PSTPIP2: variants seen among roughly 807,000 people sequenced by gnomAD.
The protein encoded by PSTPIP2 is proline-serine-threonine phosphatase interacting protein 2, also known as proline-serine-threonine phosphatase-interacting protein 2.
A neutral mutation model predicts 63.3 loss-of-function variants in PSTPIP2; 33 were observed. The ratio of observed to expected loss-of-function variants is 0.52; its 90% CI spans 0.40 to 0.70. The LOEUF (loss-of-function observed/expected upper bound fraction) is 0.70. Ranked by LOEUF, PSTPIP2 falls within the 30% of genes least tolerant of loss-of-function variation. The pLI, the probability that PSTPIP2 is intolerant of heterozygous loss-of-function variation, is 0.00. For missense variants in PSTPIP2, 312 were observed against 400.7 expected (o/e 0.78, Z 1.89); for synonymous variants, 125 against 132.7 (o/e 0.94, Z 0.40).
chr18:46,046,331 C>T (rs948828467), intron 1 of PSTPIP2, among the ~76,000 whole-genome samples: 3 of 152,198 alleles, frequency 2.0e-5, no homozygotes, highest in African/African-American at 7.2e-5. Flanking sequence ...TTACGGGTCC[C>T]GCTGCTGAGC....
intron 1 of PSTPIP2, among the ~76,000 whole-genome samples, chr18:46,050,199 G>A (rs1182842444): frequency 6.6e-6 from 1 of 152,168 alleles, no homozygotes; most frequent in Non-Finnish European, 1.5e-5. Context: ...CTTTGACGAT[G>A]AGGAGTTTAT....
At chr18:45,990,982 G>C (rs562294788) in intron 12 of PSTPIP2, among the ~76,000 whole-genome samples, 2 of 152,086 alleles carry the variant, frequency 1.3e-5, no homozygotes, top group African/African-American at 4.8e-5. Context: ...TAGGAGCACA[G>C]AGCCTTATCC....
chr18:46,070,180 G>A (rs945395358), intron 1 of PSTPIP2, among the ~76,000 whole-genome samples: 1 of 152,150 alleles, frequency 6.6e-6, no homozygotes, highest in Non-Finnish European at 1.5e-5. Flanking sequence ...CATGCTGTTC[G>A]GTAAGCTCTC....
intron 1 of PSTPIP2, among the ~76,000 whole-genome samples, chr18:46,061,842 G>A (rs1417721632): frequency 6.6e-6 from 1 of 152,188 alleles, no homozygotes; most frequent in Middle Eastern, 3.2e-3. Flanking sequence ...GATAATAAGG[G>A]CTCAGAGCAG....
At chr18:45,998,449 C>T (rs1418193810) in intron 8 of PSTPIP2, among the ~76,000 whole-genome samples, 2 of 152,158 alleles carry the variant, frequency 1.3e-5, no homozygotes, top group Non-Finnish European at 2.9e-5. Flanking sequence ...AGAGGAAGCA[C>T]CTGATTGCAA....
At chr18:46,047,419 A>C (rs988890592) in intron 1 of PSTPIP2, among the ~76,000 whole-genome samples, 3 of 152,162 alleles carry the variant, frequency 2.0e-5, no homozygotes, top group African/African-American at 7.2e-5. Flanking sequence ...CTACAAATGC[A>C]AAAATTAGCC....
At chr18:46,071,704 C>G (rs910547506) in intron 1 of PSTPIP2, among the ~76,000 whole-genome samples, 1 of 152,246 alleles carries the variant, frequency 6.6e-6, no homozygotes, top group African/African-American at 2.4e-5. Context: ...ACACCAGATC[C>G]CCCCAGATCC....
At chr18:45,994,314 A>G (rs534354485) in intron 9 of PSTPIP2, among the ~76,000 whole-genome samples, 115 of 152,344 alleles carry the variant, frequency 7.5e-4, no homozygotes, top group African/African-American at 2.6e-3. Flanking sequence ...ACATCAGTGT[A>G]TTTTTAAAAT....
intron 1 of PSTPIP2, among the ~76,000 whole-genome samples, chr18:46,062,447 C>T (rs1331606089): frequency 6.6e-6 from 1 of 151,442 alleles, no homozygotes; most frequent in Non-Finnish European, 1.5e-5. Context: ...TCAAGACCAG[C>T]CTGGCCAACA....
At chr18:46,045,063 ACTGTAAACTAGTTCAACC>A (rs1288203495) in intron 1 of PSTPIP2, among the ~76,000 whole-genome samples, 2 of 152,240 alleles carry the variant, frequency 1.3e-5, no homozygotes, top group Non-Finnish European at 2.9e-5. Flanking sequence ...TGTTGGTGGG[ACTGTAAACTAGTTCAACC>A]CTTGTGGAAG....
At chr18:46,028,440 G>C in intron 2 of PSTPIP2, 1 of 567,282 alleles carries the variant, frequency 1.8e-6, no homozygotes, top group Non-Finnish European at 3.4e-6. Flanking sequence ...GGAACCGCCC[G>C]ACGCTGGAGA....
At chr18:46,005,402 C>A in intron 6 of PSTPIP2, 67 bp downstream of exon 6, 1 of 1,288,748 alleles carries the variant, frequency 7.8e-7, no homozygotes, top group South Asian at 1.3e-5. Context: ...GGAATATGTT[C>A]ATACACAGCA....
At chr18:45,994,665 T>C (rs934438963) in intron 9 of PSTPIP2, among the ~76,000 whole-genome samples, 1 of 152,202 alleles carries the variant, frequency 6.6e-6, no homozygotes, top group Non-Finnish European at 1.5e-5. Flanking sequence ...GAGGTACAGA[T>C]AGTATGATGA....
intron 1 of PSTPIP2, among the ~76,000 whole-genome samples, chr18:46,040,463 G>A (rs1349962111): frequency 2.6e-5 from 4 of 152,090 alleles, no homozygotes; most frequent in African/African-American, 7.2e-5. Context: ...GTTGACCTTC[G>A]ACAGACTGGA....
chr18:46,072,055 G>A, intron 1 of PSTPIP2, 101 bp downstream of exon 1: 1 of 1,386,488 alleles, frequency 7.2e-7, no homozygotes. Context: ...CGCGGTCACC[G>A]AGTGGCGCCG....
chr18:46,004,300 A>C lies in PSTPIP2; in HGVS notation c.417+1169T>G, dbSNP rs1462872982. ...AACACTGGTGACACTTCCCTATTAC[A>C]TCCTACTCGTAGAATATCATGATGA... On this transcript the variant is annotated intron_variant, in intron 6 of 14. Transcript: ENST00000409746. 3.3e-5 allele frequency among the ~76,000 whole-genome samples: 5 copies of C among 152,144 alleles called. No homozygotes were observed. The East Asian group carries it at 9.6e-4, about 29-fold the overall frequency.
At chr18:46,003,488 G>T (rs1036032065) in intron 6 of PSTPIP2, among the ~76,000 whole-genome samples, 1 of 152,174 alleles carries the variant, frequency 6.6e-6, no homozygotes, top group Non-Finnish European at 1.5e-5. Flanking sequence ...CAGTAGAATG[G>T]TTATTTTCTA....
At chr18:46,011,054 C>T in intron 5 of PSTPIP2, 127 bp downstream of exon 5, 1 of 771,048 alleles carries the variant, frequency 1.3e-6, no homozygotes, top group Non-Finnish European at 2.2e-6. Context: ...GTGGGGACTC[C>T]AGTAAGTAAT....
intron 1 of PSTPIP2, among the ~76,000 whole-genome samples, chr18:46,047,220 A>G (rs1352210173): frequency 6.6e-6 from 1 of 152,100 alleles, no homozygotes; most frequent in Non-Finnish European, 1.5e-5. Context: ...TTACCACTCT[A>G]TGAGGTACAA....
Sources: allele counts gnomAD v4.1 joint callset (sites outside exome capture counted in the v4.1 genomes callset), GRCh38; gene constraint gnomAD v4.1.1; transcripts MANE v1.5; gene names NCBI Gene and HGNC (gene_info 2026-07-23, HGNC 2026-07-21).